The following KCNIP1 variants were observed in gnomAD, a reference collection of about 807,000 sequenced individuals.
The protein encoded by KCNIP1 is potassium voltage-gated channel interacting protein 1, also known as A-type potassium channel modulatory protein KCNIP1.
KCNIP1 carries 18 observed loss-of-function variants against 33.0 expected under a neutral mutation model. The observed-to-expected ratio is 0.55, with a 90% CI of 0.38 to 0.81. The LOEUF (loss-of-function observed/expected upper bound fraction) is 0.81, where lower values mean the gene tolerates loss of function less well. Ranked by LOEUF, KCNIP1 falls within the 30% of genes least tolerant of loss-of-function variation. The pLI, the probability that KCNIP1 is intolerant of heterozygous loss-of-function variation, is 0.00. For synonymous variants in KCNIP1, 93 were observed against 98.3 expected (o/e 0.95, Z 0.32); for missense variants, 238 against 271.6 (o/e 0.88, Z 0.87).
At chr5:170,613,385 G>C (rs1759250008) in intron 1 of KCNIP1, among the ~76,000 whole-genome samples, 2 of 152,156 alleles carry the variant, frequency 1.3e-5, no homozygotes, top group South Asian at 2.1e-4. Flanking sequence ...TTTATGTCAA[G>C]TGTGATTTGA....
intron 1 of KCNIP1, among the ~76,000 whole-genome samples, chr5:170,497,863 GAAC>G (rs1757339691): frequency 6.6e-6 from 1 of 152,228 alleles, no homozygotes; most frequent in African/African-American, 2.4e-5. Flanking sequence ...CACTCTGTCT[GAAC>G]TCATCTCAGC....
At chr5:170,453,216 G>A (rs968075852) in intron 1 of KCNIP1, among the ~76,000 whole-genome samples, 2 of 152,270 alleles carry the variant, frequency 1.3e-5, no homozygotes, top group African/African-American at 2.4e-5. Flanking sequence ...ATGCATTTAC[G>A]CTCAGCAGCC....
chr5:170,592,271 T>C (rs1758290611), intron 1 of KCNIP1, among the ~76,000 whole-genome samples: 1 of 152,228 alleles, frequency 6.6e-6, no homozygotes, highest in Non-Finnish European at 1.5e-5. Flanking sequence ...TTTATATATC[T>C]TTCTTGGAGA....
At chr5:170,577,096 G>A (rs1210970002) in intron 1 of KCNIP1, among the ~76,000 whole-genome samples, 1 of 152,130 alleles carries the variant, frequency 6.6e-6, no homozygotes, top group East Asian at 1.9e-4. Context: ...TCCTGCTTTG[G>A]TCCCAGTTTC....
At chr5:170,380,599 C>T (rs1764201069) in intron 1 of KCNIP1, among the ~76,000 whole-genome samples, 1 of 152,336 alleles carries the variant, frequency 6.6e-6, no homozygotes, top group Admixed American at 6.5e-5. Context: ...AGGGCCCCAG[C>T]CAGCCAGGGA....
chr5:170,615,534 G>A (rs139661719), intron 1 of KCNIP1, among the ~76,000 whole-genome samples: 7 of 152,094 alleles, frequency 4.6e-5, no homozygotes, highest in Non-Finnish European at 7.3e-5. Flanking sequence ...GCTCATCACC[G>A]TCACAATCCC....
intron 1 of KCNIP1, among the ~76,000 whole-genome samples, chr5:170,362,418 G>T (rs537526562): frequency 1.3e-5 from 2 of 152,280 alleles, no homozygotes; most frequent in Admixed American, 1.3e-4. Flanking sequence ...TCTTGTTTTC[G>T]AAATCAAGAC....
Position 170,488,804 on chromosome 5 carries a change from G to T in KCNIP1, c.88+134840G>T, listed in dbSNP as rs191273483. Among the ~76,000 whole-genome samples the T allele has an allele frequency of 2.1e-3, 319 of 152,280 alleles. 1 individual carries two copies. Among genetic ancestry groups the T allele is most frequent in the Admixed American group, 4.1e-3 (62 of 15,298 alleles). ...AAGGGTGTCTTGAGTGTGTGTGCTG[G>T]GGGGAGCATCCACGTGAGCAAATGC... On this transcript the variant is annotated intron_variant, in intron 1 of 7. Coordinates refer to the KCNIP1 transcript ENST00000377360.
At chr5:170,639,552 T>C (rs1271907947) in intron 1 of KCNIP1, 2 of 152,182 alleles carry the variant, frequency 1.3e-5, no homozygotes, top group Non-Finnish European at 2.9e-5. Flanking sequence ...TTCTCCTTCA[T>C]AGAATGGAGA....
intron 1 of KCNIP1, among the ~76,000 whole-genome samples, chr5:170,473,242 T>C (rs1374029068): frequency 6.6e-6 from 1 of 152,240 alleles, no homozygotes; most frequent in South Asian, 2.1e-4. Flanking sequence ...CTGAGAATTG[T>C]TTATAATTGA....
At chr5:170,400,372 G>A (rs1754870242) in intron 1 of KCNIP1, among the ~76,000 whole-genome samples, 1 of 152,048 alleles carries the variant, frequency 6.6e-6, no homozygotes, top group Admixed American at 6.6e-5. Flanking sequence ...AAGCCCAGGG[G>A]AAATTACCAT....
chr5:170,685,568 A>C (rs977037699), intron 1 of KCNIP1, among the ~76,000 whole-genome samples: 4 of 151,886 alleles, frequency 2.6e-5, no homozygotes, highest in Non-Finnish European at 4.4e-5. Flanking sequence ...AGCTCACTGA[A>C]ACCTCTGCCT....
chr5:170,526,569 G>A (rs116272905), intron 1 of KCNIP1, among the ~76,000 whole-genome samples: 1,804 of 152,124 alleles, frequency 0.012, 35 homozygotes, highest in East Asian at 0.046. Flanking sequence ...CTGGACTTGG[G>A]GAGTCACCAA....
At chr5:170,715,973 C>A (rs901682168) in intron 1 of KCNIP1, among the ~76,000 whole-genome samples, 3 of 152,220 alleles carry the variant, frequency 2.0e-5, no homozygotes, top group African/African-American at 7.2e-5. Flanking sequence ...ACTGGGACTA[C>A]CTGGGCTTCA....
At chr5:170,702,881 T>C (rs923460631) in intron 1 of KCNIP1, among the ~76,000 whole-genome samples, 1 of 150,552 alleles carries the variant, frequency 6.6e-6, no homozygotes, top group African/African-American at 2.4e-5. Context: ...CATGTCACAG[T>C]GCTCTGCAAA....
intron 1 of KCNIP1, among the ~76,000 whole-genome samples, chr5:170,432,533 C>A (rs568282868): frequency 6.6e-6 from 1 of 152,236 alleles, no homozygotes; most frequent in East Asian, 1.9e-4. Context: ...GGCTATGATA[C>A]GAGCCCATAT....
In KCNIP1 at chr5:170,721,626, G is replaced by C. The variant is rs1422903799; in HGVS notation, c.257-207G>C. ...TTTCTCATGATGGCTAGAGGGAGGG[G>C]CAAGGGCTCATCTCACTTTTTGCTA... On this transcript the variant is annotated intron_variant, in intron 3 of 7. Coordinates refer to ENST00000328939, the MANE Select transcript of KCNIP1 (RefSeq NM_014592.4). 4.3e-6 allele frequency: 4 copies of C among 928,824 alleles called. No individual in the cohort carries two copies. In the East Asian group the frequency reaches 7.9e-5, roughly 18 times the overall value. 57.5% of individuals were successfully genotyped at this position (928,824 alleles called of 1,614,324 possible). A position where few individuals can be genotyped will look rare whatever the true frequency, so the allele number is the denominator to read the frequency against.
At chr5:170,359,533 A>T (rs1339632204) in intron 1 of KCNIP1, among the ~76,000 whole-genome samples, 1 of 151,978 alleles carries the variant, frequency 6.6e-6, no homozygotes, top group Non-Finnish European at 1.5e-5. Flanking sequence ...CTGAGCAAGC[A>T]CTCTGGTCAT....
rs374034259 is a variant in KCNIP1 at position 170,682,537 on chromosome 5, T to A, written c.62-36221T>A. Among the ~76,000 whole-genome samples, 16 of 152,226 alleles carry A rather than the reference T, an allele frequency of 1.1e-4. No homozygotes were observed. In the East Asian group the frequency reaches 2.9e-3, roughly 28 times the overall value. On this transcript the variant is annotated intron_variant, in intron 1 of 7. Coordinates refer to ENST00000328939, the MANE Select transcript of KCNIP1 (RefSeq NM_014592.4). ...AAAGCTGAAGCACATTCGGAAAACT[T>A]TTTCTTCCTTAAAAATCACCTGAAA...
Sources: gnomAD v4.1 joint callset for allele counts (sites outside exome capture counted in the v4.1 genomes callset) on GRCh38, gnomAD v4.1.1 for gene constraint, MANE v1.5 for transcripts, NCBI Gene and HGNC (gene_info 2026-07-23, HGNC 2026-07-21) for gene names.